Variants in LRCH1 observed in about 807,000 individuals in gnomAD.
LRCH1 encodes leucine-rich repeat and calponin homology domain-containing protein 1.
Under a neutral mutation model 94.9 loss-of-function variants are expected in LRCH1, and 23 were observed. The observed-to-expected ratio is 0.24, with a 90% confidence interval of 0.17 to 0.34. The LOEUF (loss-of-function observed/expected upper bound fraction) is 0.34. Among genes scored for constraint, LRCH1 ranks in the 10% least tolerant of loss-of-function variants. The pLI, the probability that LRCH1 is intolerant of heterozygous loss-of-function variation, is 1.00. For missense variants in LRCH1, 790 were observed against 945.9 expected, an observed-to-expected ratio of 0.84 and a Z score of 2.16; for synonymous variants, 364 against 354.9, an observed-to-expected ratio of 1.03 and a Z score of -0.29.
chr13:46,599,575 T>G (rs1405186556), intron 1 of LRCH1, among the ~76,000 whole-genome samples: 1 of 152,206 alleles, frequency 6.6e-6, no homozygotes, highest in Non-Finnish European at 1.5e-5. Flanking sequence ...TGAAGAACTA[T>G]TACAATGTCA....
rs1440774929 is a variant in LRCH1, at chr13:46,723,144, T to C, written c.1760-77T>C. ...ATGAATTATTTTGGACAAATTAAAATACTGTTTGATTTTAATATGAATAGC... is the reference window on the plus strand; with the variant it reads ...ATGAATTATTTTGGACAAATTAAAACACTGTTTGATTTTAATATGAATAGC... On this transcript the variant is annotated intron_variant, in intron 16 of 19. Coordinates refer to ENST00000389797, the MANE Select transcript of LRCH1 (RefSeq NM_001164211.2). 8.3e-6 allele frequency: 6 copies of C among 722,768 alleles called. No individual in the cohort carries two copies. The Middle Eastern group carries it at 7.5e-4, about 91-fold the overall frequency. The allele number at this position is 722,768 out of a possible 1,614,324, so 44.8% of individuals were successfully genotyped here.
intron 1 of LRCH1, among the ~76,000 whole-genome samples, chr13:46,586,822 A>G (rs886579522): frequency 9.2e-5 from 14 of 152,132 alleles, no homozygotes; most frequent in African/African-American, 3.1e-4. Context: ...GTGTGGCTGT[A>G]TTTTTCTGGC....
At chr13:46,732,795 T>A (rs1566256170) in intron 18 of LRCH1, among the ~76,000 whole-genome samples, 1 of 152,182 alleles carries the variant, frequency 6.6e-6, no homozygotes, top group African/African-American at 2.4e-5. Context: ...GCACAAGGCT[T>A]CATGCAGTGG....
At chr13:46,712,411 G>A in intron 14 of LRCH1, 114 bp from the exon 15 acceptor site, 4 of 766,794 alleles carry the variant, frequency 5.2e-6, no homozygotes, top group South Asian at 5.2e-5. Flanking sequence ...TCACACAGCA[G>A]CGAATGCAAA....
At chr13:46,733,771 T>G in intron 18 of LRCH1, 150 bp from the exon 19 acceptor site, 1 of 525,250 alleles carries the variant, frequency 1.9e-6, no homozygotes, top group South Asian at 2.7e-5. Flanking sequence ...TGAGTGATAT[T>G]TTGTTTTCTT....
At chr13:46,573,866 A>ATATATATATATATATATATTTTTTTT in intron 1 of LRCH1, among the ~76,000 whole-genome samples, 5 of 63,382 alleles carry the variant, frequency 7.9e-5, no homozygotes, top group Admixed American at 2.1e-4. Flanking sequence ...ATATATATAT[A>ATATATATATATATATATATTTTTTTT]TTTTTTTTTT....
intron 3 of LRCH1, among the ~76,000 whole-genome samples, chr13:46,673,296 T>C (rs2051625566): frequency 6.6e-6 from 1 of 152,140 alleles, no homozygotes; most frequent in African/African-American, 2.4e-5. Context: ...TGAGCAAGCG[T>C]GATCTTTGGA....
At chr13:46,645,546 C>T (rs1486114273) in intron 1 of LRCH1, among the ~76,000 whole-genome samples, 1 of 152,154 alleles carries the variant, frequency 6.6e-6, no homozygotes, top group African/African-American at 2.4e-5. Context: ...GACTTATTCA[C>T]ATAAATCTTA....
Position 46,553,445 on chromosome 13 carries a change from G to C in LRCH1, c.49G>C (p.Val17Leu), listed in dbSNP as rs775390381. ...CCAACCTTTCGTCCCGGCCCTTTCG[G>C]TAGCTACTCTGCACCCACTTCATCA... ...EPQPFVPALS[V>L]ATLHPLHHPH... Residue 17 changes from valine to leucine, a missense_variant, in exon 1 of 20, where the codon GTA (valine) becomes CTA (leucine). Val to Leu is a conservative substitution (Grantham distance 32). This residue lies in a region of LRCH1 where 136 missense variants were observed against 143.5 expected (regional missense o/e 0.95). Transcript: ENST00000389797. 2 of 1,549,096 alleles carry C rather than the reference G, an allele frequency of 1.3e-6. No individual in the cohort carries two copies. The highest frequency in any genetic ancestry group is 2.4e-5 in the South Asian group (2 of 83,998).
At chr13:46,669,820 G>A (rs1382491942) in intron 3 of LRCH1, among the ~76,000 whole-genome samples, 1 of 152,216 alleles carries the variant, frequency 6.6e-6, no homozygotes, top group Non-Finnish European at 1.5e-5. Flanking sequence ...GGAAGAAGCA[G>A]GAGTTAGCAG....
rs753258512 is a variant in LRCH1, at chr13:46,694,978, T to C, written c.1206T>C (p.Asp402=). 27 of 1,614,054 alleles carry C rather than the reference T, an allele frequency of 1.7e-5. No homozygotes were observed. Among genetic ancestry groups the C allele is most frequent in the South Asian group, 5.5e-5 (5 of 91,088 alleles). ...GAGAAGAAAGAGACCAGTTTACTGA[T>C]AGAGCAGATGGTCTCCATTCGGAAT... ...NSGEERDQFT[D]RADGLHSEFM... is the part of the protein sequence containing the mutation. Residue 402 remains aspartate (D), a synonymous_variant, in exon 9 of 20, where the codon GAT becomes GAC. Coordinates refer to ENST00000389797, the MANE Select transcript of LRCH1 (RefSeq NM_001164211.2).
chr13:46,618,371 C>T (rs945255922), intron 1 of LRCH1, among the ~76,000 whole-genome samples: 2 of 152,124 alleles, frequency 1.3e-5, no homozygotes, highest in South Asian at 2.1e-4. Flanking sequence ...GATCCATTTA[C>T]GCAACCACCA....
intron 1 of LRCH1, among the ~76,000 whole-genome samples, chr13:46,598,407 A>T (rs1003806392): frequency 2.0e-5 from 3 of 151,740 alleles, no homozygotes; most frequent in African/African-American, 7.3e-5. Flanking sequence ...GGGGGAAAAG[A>T]CGCTTGCAGA....
At chr13:46,619,100 C>CTTCCTTCCTTCT (rs1566180403) in intron 1 of LRCH1, among the ~76,000 whole-genome samples, 95 of 76,126 alleles carry the variant, frequency 1.2e-3, no homozygotes, top group African/African-American at 8.6e-3. Flanking sequence ...TCCTTCCTTC[C>CTTCCTTCCTTCT]TTCCTTCCTT....
chr13:46,697,260 C>T (rs571488827), intron 9 of LRCH1, among the ~76,000 whole-genome samples: 2 of 152,154 alleles, frequency 1.3e-5, no homozygotes, highest in South Asian at 2.1e-4. Flanking sequence ...GCACCCTCTG[C>T]TCACAACGTT....
chr13:46,624,396 G>A (rs1037700525), intron 1 of LRCH1, among the ~76,000 whole-genome samples: 1 of 152,132 alleles, frequency 6.6e-6, no homozygotes, highest in African/African-American at 2.4e-5. Flanking sequence ...ACTTAACTTA[G>A]TTTCAGAATG....
At chr13:46,630,932 T>A (rs1302701586) in intron 1 of LRCH1, among the ~76,000 whole-genome samples, 1 of 152,230 alleles carries the variant, frequency 6.6e-6, no homozygotes, top group Admixed American at 6.5e-5. Context: ...ACCAGCTTGC[T>A]TCTGGTTCTG....
chr13:46,627,563 C>G (rs1246495903), intron 1 of LRCH1, among the ~76,000 whole-genome samples: 1 of 152,062 alleles, frequency 6.6e-6, no homozygotes, highest in South Asian at 2.1e-4. Flanking sequence ...CACTGCCTGC[C>G]CTACTGTTTT....
chr13:46,748,075 T>A (rs1185773907), downstream of LRCH1, among the ~76,000 whole-genome samples: 5 of 152,192 alleles, frequency 3.3e-5, no homozygotes, highest in Non-Finnish European at 7.4e-5. Flanking sequence ...TACTTTTTTT[T>A]AAAGTGTTAC....
Sources: gnomAD v4.1 joint callset for allele counts (sites outside exome capture counted in the v4.1 genomes callset) on GRCh38, gnomAD v4.1.1 for gene constraint, gnomAD v4.1.1 regional missense constraint, MANE v1.5 for transcripts, NCBI Gene and HGNC (gene_info 2026-07-23, HGNC 2026-07-21) for gene names.